The following FHIT variants were observed in gnomAD, a reference collection of about 807,000 sequenced individuals.
FHIT encodes fragile histidine triad diadenosine triphosphatase.
A neutral mutation model predicts 17.9 loss-of-function variants in FHIT; 19 were observed. The ratio of observed to expected loss-of-function variants is 1.06; its 90% confidence interval spans 0.74 to 1.56. The LOEUF (loss-of-function observed/expected upper bound fraction) is 1.56, where lower values mean the gene tolerates loss of function less well. Among genes scored for constraint, FHIT ranks in the 40% most tolerant of loss-of-function variants. The pLI is 0.00. For synonymous variants in FHIT, 81 were observed against 69.7 expected, an observed-to-expected ratio of 1.16 and a Z score of -0.81; for missense variants, 248 against 189.2, an observed-to-expected ratio of 1.31 and a Z score of -1.82.
chr3:60,735,738 A>C (rs2042121361), intron 4 of FHIT, among the ~76,000 whole-genome samples: 1 of 152,232 alleles, frequency 6.6e-6, no homozygotes, highest in African/African-American at 2.4e-5. Flanking sequence ...ATAGATAGGC[A>C]AGCCAAAATC....
At chr3:60,127,815 G>C (rs576220586) in intron 5 of FHIT, among the ~76,000 whole-genome samples, 13 of 152,120 alleles carry the variant, frequency 8.5e-5, no homozygotes, top group Admixed American at 6.5e-4. Context: ...TACATTTGTA[G>C]AGATGAGGCC....
At chr3:59,924,822 T>A (rs1473279070) in intron 7 of FHIT, among the ~76,000 whole-genome samples, 1 of 152,230 alleles carries the variant, frequency 6.6e-6, no homozygotes, top group Non-Finnish European at 1.5e-5. Flanking sequence ...AAATGCAGAC[T>A]GCAGGGCCCT....
chr3:60,726,617 T>C (rs893451610), intron 4 of FHIT, among the ~76,000 whole-genome samples: 2 of 152,202 alleles, frequency 1.3e-5, no homozygotes. Context: ...TAATTCTCTT[T>C]CCCTATACTA....
At position 61,036,919 on chromosome 3, in the gene FHIT, T is replaced by TTG. The variant is rs370661998; in HGVS notation, c.-111+5127_-111+5128insCA. ...CTGCTTTGTTTTTTTTTTTTGTTTG[T>TTG]TTGTTTTTTTGAGATGGAGTCTCGC... On this transcript the variant is annotated intron_variant, in intron 3 of 9. Coordinates refer to ENST00000492590, the MANE Select transcript of FHIT (RefSeq NM_002012.4). 6.1e-4 allele frequency among the ~76,000 whole-genome samples: 76 copies of TTG among 124,182 alleles called. 3 individuals carry two copies. The South Asian group carries it at 0.012, about 19-fold the overall frequency. 81.5% of individuals were successfully genotyped at this position (124,182 alleles called of 152,430 possible).
chr3:60,671,744 A>T (rs2040509441), intron 4 of FHIT, among the ~76,000 whole-genome samples: 1 of 150,526 alleles, frequency 6.6e-6, no homozygotes, highest in Admixed American at 6.6e-5. Context: ...GTTCGTGACC[A>T]GCCTGACCAA....
intron 5 of FHIT, among the ~76,000 whole-genome samples, chr3:60,435,620 T>C (rs1451106438): frequency 1.3e-5 from 2 of 152,078 alleles, no homozygotes; most frequent in African/African-American, 4.8e-5. Context: ...CAGATTGAGT[T>C]ACTTTGTTTT....
At chr3:60,101,805 CT>C (rs1245388690) in intron 5 of FHIT, among the ~76,000 whole-genome samples, 1 of 152,302 alleles carries the variant, frequency 6.6e-6, no homozygotes, top group East Asian at 1.9e-4. Context: ...CCTTTCCAGC[CT>C]TATCAACCAG....
chr3:60,476,503 G>C (rs1170195805), intron 5 of FHIT, among the ~76,000 whole-genome samples: 1 of 152,164 alleles, frequency 6.6e-6, no homozygotes, highest in Non-Finnish European at 1.5e-5. Flanking sequence ...TCAACGATTG[G>C]GCAGAAAGGA....
Position 60,428,034 on chromosome 3 carries a change from A to G in FHIT, c.103+108826T>C, listed in dbSNP as rs1036821752. On this transcript the variant is annotated intron_variant, in intron 5 of 9. Coordinates refer to ENST00000492590, the MANE Select transcript of FHIT (RefSeq NM_002012.4). ...ATTCAAGGCTTCTTTTCTATTCCCA[A>G]TAGGTACTAGGTTGGCCTTTTTCTT... Among the ~76,000 whole-genome samples, 4 of 152,094 alleles carry G rather than the reference A, an allele frequency of 2.6e-5. No homozygotes were observed. In the South Asian group the frequency reaches 6.2e-4, roughly 24 times the overall value.
chr3:60,763,637 G>A (rs1699741776), intron 4 of FHIT, among the ~76,000 whole-genome samples: 1 of 152,152 alleles, frequency 6.6e-6, no homozygotes, highest in African/African-American at 2.4e-5. Context: ...GCAACACATG[G>A]CGATGAGCTG....
intron 1 of FHIT, among the ~76,000 whole-genome samples, chr3:61,232,019 A>G (rs2040116875): frequency 1.3e-5 from 2 of 152,100 alleles, no homozygotes; most frequent in African/African-American, 4.8e-5. Context: ...AGGAGTGAGA[A>G]AAAAAAAGTA....
intron 3 of FHIT, among the ~76,000 whole-genome samples, chr3:60,956,462 C>T (rs981376998): frequency 6.6e-6 from 1 of 152,192 alleles, no homozygotes; most frequent in South Asian, 2.1e-4. Context: ...TTTATTGTCC[C>T]TACCTTTAGC....
intron 3 of FHIT, among the ~76,000 whole-genome samples, chr3:60,930,530 C>T (rs1233274021): frequency 1.3e-5 from 2 of 152,112 alleles, no homozygotes; most frequent in Admixed American, 6.5e-5. Flanking sequence ...AAAAAACAAA[C>T]AACCCCATCA....
chr3:59,853,439 T>A (rs1208160598), intron 8 of FHIT, among the ~76,000 whole-genome samples: 1 of 152,206 alleles, frequency 6.6e-6, no homozygotes, highest in East Asian at 1.9e-4. Context: ...TCAGTTGTAT[T>A]ATGTGATTTG....
At chr3:60,966,049 G>C (rs1553783249) in intron 3 of FHIT, among the ~76,000 whole-genome samples, 1 of 152,186 alleles carries the variant, frequency 6.6e-6, no homozygotes, top group African/African-American at 2.4e-5. Flanking sequence ...GGAGTCTACA[G>C]AGGCAGGCAG....
At chr3:60,631,730 T>C (rs2039448768) in intron 4 of FHIT, among the ~76,000 whole-genome samples, 1 of 152,206 alleles carries the variant, frequency 6.6e-6, no homozygotes, top group Non-Finnish European at 1.5e-5. Context: ...ACCATGTGCG[T>C]GTGTCGCACG....
chr3:60,030,837 TAATA>T (rs1233112656), intron 5 of FHIT, among the ~76,000 whole-genome samples: 4 of 152,196 alleles, frequency 2.6e-5, no homozygotes, highest in Non-Finnish European at 5.9e-5. Context: ...ACTGTTTCAT[TAATA>T]AATAAAAATA....
At chr3:60,097,473 A>G (rs552028648) in intron 5 of FHIT, among the ~76,000 whole-genome samples, 3 of 152,064 alleles carry the variant, frequency 2.0e-5, no homozygotes, top group Non-Finnish European at 2.9e-5. Flanking sequence ...CTTGAACAAC[A>G]TGAGTTTGAA....
chr3:59,909,922 T>C (rs1704787328), intron 8 of FHIT, among the ~76,000 whole-genome samples: 1 of 152,254 alleles, frequency 6.6e-6, no homozygotes, highest in Admixed American at 6.5e-5. Flanking sequence ...TGTAACATTC[T>C]ATTTGAAGCT....
Sources: allele counts gnomAD v4.1 joint callset (sites outside exome capture counted in the v4.1 genomes callset), GRCh38; gene constraint gnomAD v4.1.1; transcripts MANE v1.5; gene names NCBI Gene and HGNC (gene_info 2026-07-23, HGNC 2026-07-21).